ATP2C1: variants seen among roughly 807,000 people sequenced by gnomAD.
ATP2C1 encodes ATPase secretory pathway Ca2+ transporting 1, also known as calcium-transporting ATPase type 2C member 1.
ATP2C1 carries 31 observed loss-of-function variants against 120.5 expected under a neutral mutation model. The ratio of observed to expected loss-of-function variants is 0.26; its 90% CI spans 0.19 to 0.35. The LOEUF is 0.35. ATP2C1 is among the 10% of genes least tolerant of loss of function. The pLI, the probability that ATP2C1 is intolerant of heterozygous loss-of-function variation, is 1.00. For synonymous variants in ATP2C1, 351 were observed against 358.7 expected (o/e 0.98, Z 0.24); for missense variants, 731 against 1,107.5 (o/e 0.66, Z 4.83).
intron 5 of ATP2C1, among the ~76,000 whole-genome samples, chr3:130,935,256 T>A (rs2059616502): frequency 6.6e-6 from 1 of 152,256 alleles, no homozygotes; most frequent in African/African-American, 2.4e-5. Flanking sequence ...ATTATCTGAT[T>A]AAATTTTAAA....
intron 11 of ATP2C1, among the ~76,000 whole-genome samples, chr3:130,957,058 T>C (rs554950085): frequency 2.0e-5 from 3 of 152,352 alleles, no homozygotes; most frequent in Admixed American, 6.5e-5. Context: ...TGTTCCATTA[T>C]TGGAATGCTA....
intron 24 of ATP2C1, among the ~76,000 whole-genome samples, chr3:130,997,094 T>G (rs1255936430): frequency 6.6e-6 from 1 of 152,080 alleles, no homozygotes; most frequent in Non-Finnish European, 1.5e-5. Context: ...GAAATGGGTA[T>G]AATGGAGAAA....
chr3:130,976,612 T>G (rs557885416), intron 18 of ATP2C1, among the ~76,000 whole-genome samples: 13 of 152,282 alleles, frequency 8.5e-5, no homozygotes, highest in Admixed American at 7.2e-4. Flanking sequence ...TTTCCCCTTT[T>G]AATGTAAGAG....
At chr3:130,918,359 T>C (rs1377338364) in intron 2 of ATP2C1, 17 of 1,545,568 alleles carry the variant, frequency 1.1e-5, no homozygotes, top group Non-Finnish European at 1.5e-5. Context: ...TCCCACACTT[T>C]GCACATCGGA....
chr3:130,971,729 C>G lies in ATP2C1; in HGVS notation c.1413+2333C>G, dbSNP rs372385370. Among the ~76,000 whole-genome samples the G allele has an allele frequency of 2.7e-4, 41 of 152,240 alleles. No homozygotes were observed. The East Asian group carries it at 7.3e-3, about 27-fold the overall frequency. On this transcript the variant is annotated intron_variant, in intron 17 of 27. Coordinates refer to ENST00000510168, the MANE Select transcript of ATP2C1 (RefSeq NM_001378687.1). The stretch of plus-strand genomic sequence containing the variant: ...GAATAAGGAACCAATAGAACTCCCC[C>G]AAGTACCTTTGCTGCTTCTTTAGGC...
chr3:130,907,652 A>G (rs2058197172), intron 2 of ATP2C1, among the ~76,000 whole-genome samples: 1 of 150,370 alleles, frequency 6.7e-6, no homozygotes, highest in African/African-American at 2.4e-5. Context: ...AAGTACCATA[A>G]TGTTTTGATT....
At chr3:130,861,273 G>A (rs1427712951) in intron 1 of ATP2C1, among the ~76,000 whole-genome samples, 1 of 152,144 alleles carries the variant, frequency 6.6e-6, no homozygotes, top group South Asian at 2.1e-4. Context: ...TATCTCAAAA[G>A]TCTGTATCAG....
rs139642706 is a variant in ATP2C1, at chr3:130,907,252, C to T, written c.6+12477C>T. On this transcript the variant is annotated intron_variant, in intron 2 of 27. Coordinates refer to ENST00000510168, the MANE Select transcript of ATP2C1 (RefSeq NM_001378687.1). ...ATATTTCTCCCATTCTGTGGATTAC[C>T]TGTTCACTTTCTGAATGGTATCCTC... Among the ~76,000 whole-genome samples the T allele has an allele frequency of 4.3e-4, 65 of 152,114 alleles. 2 individuals carry two copies. In the East Asian group the frequency reaches 0.012, roughly 29 times the overall value.
rs116671177 is a variant in ATP2C1, at chr3:131,002,348, C to T, written c.*998C>T. 4.8e-4 allele frequency: 469 copies of T among 985,142 alleles called. No individual in the cohort carries two copies. In the African/African-American group the frequency reaches 7.7e-3, roughly 16 times the overall value. 61.0% of individuals were successfully genotyped at this position (985,142 alleles called of 1,614,324 possible). On this transcript the variant is annotated 3_prime_UTR_variant, in exon 28 of 28. Transcript: ENST00000510168. ...CTACTGGACTTAGAATAAAAAGTCC[C>T]CAAACCCAAACAAATGGTTTATGAA...
At position 130,894,842 on chromosome 3, in the gene ATP2C1, CTT is replaced by C. The variant is rs2069453774; in HGVS notation, c.6+69_6+70del. 2 of 1,451,166 alleles carry C rather than the reference CTT, an allele frequency of 1.4e-6. No homozygotes were observed. The highest frequency in any genetic ancestry group is 1.9e-6 in the Non-Finnish European group (2 of 1,031,612). The allele number at this position is 1,451,166 out of a possible 1,614,324, so 89.9% of individuals were successfully genotyped here. A position where few individuals can be genotyped will look rare whatever the true frequency, so the allele number is the denominator to read the frequency against. ...GTGTGGTGGTTTGCTTTTAAGTTGT[CTT>C]TGTTTTTCCACCTTTTTATTTTCGT... On this transcript the variant is annotated intron_variant, in intron 2 of 27. Coordinates refer to ENST00000510168, the MANE Select transcript of ATP2C1 (RefSeq NM_001378687.1). The surrounding 1 kb of genome is among the most constrained non-coding windows in gnomAD (Gnocchi z 4.5).
intron 16 of ATP2C1, among the ~76,000 whole-genome samples, chr3:130,968,639 T>C (rs1299451857): frequency 1.3e-5 from 2 of 152,144 alleles, no homozygotes; most frequent in Admixed American, 6.6e-5. Context: ...AGACGCTGTA[T>C]GTGGTGGGTT....
chr3:130,929,845 C>T (rs755821050), intron 2 of ATP2C1: 6 of 171,708 alleles, frequency 3.5e-5, no homozygotes, highest in Non-Finnish European at 5.0e-5. Context: ...CCCACCAGCT[C>T]CCCTTCACTA....
chr3:130,968,747 A>G (rs1576923674), intron 16 of ATP2C1, among the ~76,000 whole-genome samples: 1 of 152,132 alleles, frequency 6.6e-6, no homozygotes, highest in Non-Finnish European at 1.5e-5. Flanking sequence ...AACATTTTTG[A>G]TATTTGGAAG....
intron 8 of ATP2C1, among the ~76,000 whole-genome samples, chr3:130,953,479 AC>A (rs1559967776): frequency 1.3e-5 from 2 of 152,164 alleles, no homozygotes; most frequent in African/African-American, 4.8e-5. Context: ...TAGGTACTTG[AC>A]AAAATTAGGA....
At chr3:130,911,344 T>C (rs2058401017) in intron 2 of ATP2C1, among the ~76,000 whole-genome samples, 1 of 150,980 alleles carries the variant, frequency 6.6e-6, no homozygotes, top group Non-Finnish European at 1.5e-5. Context: ...TCTCTTTTTT[T>C]CTTTATTAGT....
chr3:131,016,335 C>T (rs1323845887), exon 27 of ATP2C1: 8 of 1,614,014 alleles, frequency 5.0e-6, no homozygotes, highest in Non-Finnish European at 6.8e-6. Flanking sequence ...GCAGCTCTTC[C>T]TTACCTAAAT....
chr3:130,996,972 G>A (rs2062651431), intron 24 of ATP2C1, among the ~76,000 whole-genome samples, 176 bp downstream of exon 24: 1 of 152,102 alleles, frequency 6.6e-6, no homozygotes, highest in Non-Finnish European at 1.5e-5. Context: ...GAGTGTGCAT[G>A]CAGTGTAGAT....
At chr3:130,908,874 G>A (rs2058261607) in intron 2 of ATP2C1, among the ~76,000 whole-genome samples, 1 of 151,908 alleles carries the variant, frequency 6.6e-6, no homozygotes, top group Non-Finnish European at 1.5e-5. Flanking sequence ...TAGTTCTTGG[G>A]TACAAATATT....
At chr3:130,858,913 T>G (rs1298608676) in intron 1 of ATP2C1, among the ~76,000 whole-genome samples, 1 of 152,106 alleles carries the variant, frequency 6.6e-6, no homozygotes, top group Admixed American at 6.6e-5. Context: ...CCATGACCAA[T>G]GGGTAGAATT....
Sources: gnomAD v4.1 joint callset for allele counts (sites outside exome capture counted in the v4.1 genomes callset) on GRCh38, gnomAD v4.1.1 for gene constraint, Gnocchi (gnomAD v3.1) non-coding constraint, MANE v1.5 for transcripts, NCBI Gene and HGNC (gene_info 2026-07-23, HGNC 2026-07-21) for gene names.